Variants in BMP2K observed in about 807,000 individuals in gnomAD.
The protein encoded by BMP2K is BMP2 inducible kinase, also known as BMP-2-inducible protein kinase.
In BMP2K, 74 loss-of-function variants were observed where a neutral mutation model predicts 116.0. The observed-to-expected ratio is 0.64, with a 90% confidence interval of 0.53 to 0.77. BMP2K has a LOEUF of 0.77. Among genes scored for constraint, BMP2K ranks in the 30% least tolerant of loss-of-function variants. BMP2K has a pLI of 0.00. For missense variants in BMP2K, 1,365 were observed against 1,403.6 expected (o/e 0.97, Z 0.44); for synonymous variants, 486 against 502.5 (o/e 0.97, Z 0.44).
rs749851927 is a variant in BMP2K at position 78,910,864 on chromosome 4, AATG to A, written c.2326_2328del (p.Asp776del). 9.3e-6 allele frequency: 15 copies of A among 1,613,882 alleles called. No individual in the cohort carries two copies. The highest frequency in any genetic ancestry group is 1.3e-5 in the African/African-American group (1 of 74,920). ...TCTTCAGGGGGAACAAGGAGATTTT[AATG>A]ATGATGATACTGAACCAGAAAATCT... On this transcript the variant is annotated inframe_deletion, in exon 16 of 16. Transcript: ENST00000502613.
At chr4:78,867,192 GAAA>G (rs1380586546) in intron 10 of BMP2K, among the ~76,000 whole-genome samples, 2 of 151,136 alleles carry the variant, frequency 1.3e-5, no homozygotes, top group African/African-American at 4.9e-5. Flanking sequence ...AAGAAAAAAA[GAAA>G]AAAAAGCAAG....
In BMP2K at chr4:78,776,667, C is replaced by T. The variant is rs1727258217; in HGVS notation, c.124C>T (p.Arg42Trp). 2 of 1,238,586 alleles carry T rather than the reference C, an allele frequency of 1.6e-6. No homozygotes were observed. The highest frequency in any genetic ancestry group is 1.0e-6 in the Non-Finnish European group (1 of 987,168). The allele number at this position is 1,238,586 out of a possible 1,614,324, so 76.7% of individuals were successfully genotyped here. Residue 42 changes from arginine (R) to tryptophan (W), a missense_variant, in exon 1 of 16, where the codon CGG (arginine) becomes TGG (tryptophan). Arg to Trp is a moderately radical substitution (Grantham distance 101, BLOSUM62 -3). Transcript: ENST00000502613. ...CGSGGSSVGV[R>W]VFAVGRHQVT... ...CTCCGGCGGCTCGTCCGTGGGGGTC[C>T]GGGTGTTCGCGGTCGGCCGCCACCA... is the stretch of plus-strand genomic sequence containing the variant.
chr4:78,799,260 GT>G (rs35343467), intron 1 of BMP2K, among the ~76,000 whole-genome samples: 120 of 147,554 alleles, frequency 8.1e-4, no homozygotes, highest in South Asian at 1.1e-3. Context: ...TTGATTGTCC[GT>G]TTTTTTTTTG....
At chr4:78,826,960 T>C (rs1308663272) in intron 2 of BMP2K, among the ~76,000 whole-genome samples, 3 of 152,208 alleles carry the variant, frequency 2.0e-5, no homozygotes, top group Admixed American at 6.5e-5. Flanking sequence ...CCTGAAGATA[T>C]GAGTTTGGTT....
chr4:78,914,551 C>G lies in BMP2K; in HGVS notation c.*2518C>G, dbSNP rs1734877052. On this transcript the variant is annotated 3_prime_UTR_variant, in exon 16 of 16. Transcript: ENST00000502613. Reference sequence around the variant, plus strand: ...TAGGTCACTCCACACAGCTGATGCTCAGGTTATTCCCTTGTGAGAATTATG... The same window carrying G: ...TAGGTCACTCCACACAGCTGATGCTGAGGTTATTCCCTTGTGAGAATTATG... The G allele has an allele frequency of 6.6e-6, 1 of 151,776 alleles. No individual in the cohort carries two copies. The highest frequency in any genetic ancestry group is 2.4e-5 in the African/African-American group (1 of 41,334). 9.4% of individuals were successfully genotyped at this position (151,776 alleles called of 1,614,324 possible).
At chr4:78,777,492 T>G (rs1727301885) in intron 1 of BMP2K, among the ~76,000 whole-genome samples, 1 of 152,230 alleles carries the variant, frequency 6.6e-6, no homozygotes, top group South Asian at 2.1e-4. Context: ...CAAAAAAAGT[T>G]TACTCCATTT....
chr4:78,776,856 C>T (rs1727275316), intron 1 of BMP2K, 135 bp downstream of exon 1: 2 of 891,088 alleles, frequency 2.2e-6, no homozygotes, highest in Non-Finnish European at 2.9e-6. Flanking sequence ...GCGGGGGCTC[C>T]TAAAGAGTGG....
intron 13 of BMP2K, among the ~76,000 whole-genome samples, chr4:78,873,254 T>A (rs996072821): frequency 2.0e-5 from 3 of 152,208 alleles, no homozygotes; most frequent in Non-Finnish European, 2.9e-5. Flanking sequence ...TTTAAGATGA[T>A]ATATAGTATA....
Position 78,872,598 on chromosome 4 carries a change from T to C in BMP2K, c.1609-16T>C. ...GACTGGAGCATTGTTTTGTATAATA[T>C]CATTTCTTTTTTCAGATGCCGCAGT... On this transcript the variant is annotated splice_polypyrimidine_tract_variant and intron_variant, in intron 12 of 15. Transcript: ENST00000502613. 2 of 1,611,730 alleles carry C rather than the reference T, an allele frequency of 1.2e-6. No individual in the cohort carries two copies. Among genetic ancestry groups the C allele is most frequent in the Non-Finnish European group, 1.7e-6 (2 of 1,178,840 alleles).
At chr4:78,781,221 G>A (rs1020751857) in intron 1 of BMP2K, among the ~76,000 whole-genome samples, 1 of 152,150 alleles carries the variant, frequency 6.6e-6, no homozygotes, top group Non-Finnish European at 1.5e-5. Flanking sequence ...GCAGTGACAT[G>A]CTCTGATTTG....
At chr4:78,838,033 A>G (rs1467307635) in intron 3 of BMP2K, among the ~76,000 whole-genome samples, 1 of 152,188 alleles carries the variant, frequency 6.6e-6, no homozygotes, top group Non-Finnish European at 1.5e-5. Flanking sequence ...GCAATTTACA[A>G]AAGAAAGAGG....
At chr4:78,859,940 A>G (rs1731690378) in intron 8 of BMP2K, 1 of 558,032 alleles carries the variant, frequency 1.8e-6, no homozygotes, top group Non-Finnish European at 3.3e-6. Context: ...AAACACAGGG[A>G]CATCTTTCTG....
At chr4:78,814,082 G>A (rs914035321) in intron 1 of BMP2K, among the ~76,000 whole-genome samples, 3 of 152,190 alleles carry the variant, frequency 2.0e-5, no homozygotes, top group Non-Finnish European at 4.4e-5. Flanking sequence ...GCAAAATGGG[G>A]ACTTGGAATG....
intron 2 of BMP2K, among the ~76,000 whole-genome samples, chr4:78,829,846 TC>T (rs1730119211): frequency 6.7e-6 from 1 of 150,266 alleles, no homozygotes; most frequent in African/African-American, 2.5e-5. Flanking sequence ...TCTTCTCTTC[TC>T]TTCTTTTTTT....
intron 1 of BMP2K, among the ~76,000 whole-genome samples, chr4:78,792,221 G>A (rs1728037690): frequency 6.6e-6 from 1 of 152,100 alleles, no homozygotes; most frequent in Non-Finnish European, 1.5e-5. Flanking sequence ...AAAGATGTAC[G>A]TTTTCCTAAT....
chr4:78,778,987 A>G (rs1307285471), intron 1 of BMP2K, among the ~76,000 whole-genome samples: 1 of 152,204 alleles, frequency 6.6e-6, no homozygotes, highest in Non-Finnish European at 1.5e-5. Flanking sequence ...GACTCAGTAG[A>G]TACTGTGCCC....
chr4:78,853,883 C>G (rs1272972589), intron 7 of BMP2K, among the ~76,000 whole-genome samples: 1 of 152,148 alleles, frequency 6.6e-6, no homozygotes, highest in Non-Finnish European at 1.5e-5. Flanking sequence ...TACAACTACT[C>G]TTGATATCAA....
intron 15 of BMP2K, among the ~76,000 whole-genome samples, chr4:78,903,565 C>G (rs568498250): frequency 1.4e-4 from 22 of 152,026 alleles, no homozygotes; most frequent in African/African-American, 4.8e-4. Context: ...ATTATTGTCT[C>G]TATTTTCTAG....
intron 9 of BMP2K, among the ~76,000 whole-genome samples, chr4:78,862,831 A>G (rs1731860543): frequency 6.6e-6 from 1 of 152,138 alleles, no homozygotes; most frequent in African/African-American, 2.4e-5. Context: ...GTAAAGTTAT[A>G]TCTAACTTGC....
Sources: allele counts gnomAD v4.1 joint callset (sites outside exome capture counted in the v4.1 genomes callset), GRCh38; gene constraint gnomAD v4.1.1; transcripts MANE v1.5; gene names NCBI Gene and HGNC (gene_info 2026-07-23, HGNC 2026-07-21).